Variants in ADAMTSL1 observed in about 807,000 individuals in gnomAD.
ADAMTSL1 encodes the protein ADAMTS-like protein 1.
ADAMTSL1 carries 126 observed loss-of-function variants against 201.8 expected under a neutral mutation model. The ratio of observed to expected loss-of-function variants is 0.62; its 90% CI spans 0.54 to 0.72. The LOEUF (loss-of-function observed/expected upper bound fraction) is 0.72. Among genes scored for constraint, ADAMTSL1 ranks in the 30% least tolerant of loss-of-function variants. The pLI, the probability that ADAMTSL1 is intolerant of heterozygous loss-of-function variation, is 0.00. For synonymous variants in ADAMTSL1, 1,121 were observed against 903.4 expected (o/e 1.24, Z -4.32); for missense variants, 2,679 against 2,277.8 (o/e 1.18, Z -3.59).
intron 1 of ADAMTSL1, among the ~76,000 whole-genome samples, chr9:18,098,286 A>G (rs373486897): frequency 6.6e-6 from 1 of 152,096 alleles, no homozygotes; most frequent in African/African-American, 2.4e-5. Flanking sequence ...TATTTTGACT[A>G]GTTTCTTTGC....
chr9:18,171,448 A>G (rs1470397380), intron 2 of ADAMTSL1, among the ~76,000 whole-genome samples: 1 of 152,104 alleles, frequency 6.6e-6, no homozygotes, highest in Non-Finnish European at 1.5e-5. Flanking sequence ...ATGGCATAGA[A>G]ATTTAATATG....
intron 2 of ADAMTSL1, among the ~76,000 whole-genome samples, chr9:18,426,134 T>C (rs1819209971): frequency 6.6e-6 from 1 of 152,066 alleles, no homozygotes. Context: ...CAGAATCATA[T>C]AGATCAGATA....
chr9:18,727,341 T>C (rs1231621255), intron 15 of ADAMTSL1, among the ~76,000 whole-genome samples: 6 of 152,208 alleles, frequency 3.9e-5, no homozygotes, highest in Non-Finnish European at 7.3e-5. Flanking sequence ...ACACTAACTT[T>C]TAAGTGCTTA....
chr9:18,056,730 A>G (rs1822206237), intron 1 of ADAMTSL1, among the ~76,000 whole-genome samples: 1 of 152,196 alleles, frequency 6.6e-6, no homozygotes, highest in Non-Finnish European at 1.5e-5. Context: ...CCCTTCAGGT[A>G]GAACCTCAGT....
intron 2 of ADAMTSL1, among the ~76,000 whole-genome samples, chr9:18,419,728 T>G (rs1563948087): frequency 6.8e-6 from 1 of 147,886 alleles, no homozygotes; most frequent in Admixed American, 6.8e-5. Flanking sequence ...CTCATTTATT[T>G]GACTTTTTTT....
At chr9:18,140,343 G>A (rs2132001766) in intron 1 of ADAMTSL1, among the ~76,000 whole-genome samples, 1 of 152,226 alleles carries the variant, frequency 6.6e-6, no homozygotes, top group Non-Finnish European at 1.5e-5. Context: ...TCATACTCAT[G>A]GCTATGATAC....
intron 15 of ADAMTSL1, among the ~76,000 whole-genome samples, chr9:18,722,798 C>G (rs955219376): frequency 2.6e-5 from 4 of 152,224 alleles, no homozygotes; most frequent in African/African-American, 9.6e-5. Flanking sequence ...CAGTCAGCCA[C>G]TGCTTTGGAG....
intron 23 of ADAMTSL1, among the ~76,000 whole-genome samples, chr9:18,860,955 A>G (rs1827174133): frequency 6.6e-6 from 1 of 152,220 alleles, no homozygotes; most frequent in Non-Finnish European, 1.5e-5. Context: ...TGCCTTTGAG[A>G]AGCTCTGTGG....
At chr9:18,346,990 T>C (rs1363698308) in intron 2 of ADAMTSL1, among the ~76,000 whole-genome samples, 2 of 152,180 alleles carry the variant, frequency 1.3e-5, no homozygotes, top group Non-Finnish European at 2.9e-5. Flanking sequence ...TTAATAAAGC[T>C]ATTGTTAAGA....
chr9:18,302,266 C>G (rs1041517430), intron 2 of ADAMTSL1, among the ~76,000 whole-genome samples: 2 of 152,044 alleles, frequency 1.3e-5, no homozygotes, highest in Non-Finnish European at 2.9e-5. Flanking sequence ...AATTATAATC[C>G]TACCTCAATG....
chr9:18,372,919 T>C (rs1308696658), intron 2 of ADAMTSL1, among the ~76,000 whole-genome samples: 3 of 152,196 alleles, frequency 2.0e-5, no homozygotes, highest in Admixed American at 6.5e-5. Flanking sequence ...TCCTCACTTA[T>C]TCACAATGCT....
At chr9:18,145,894 A>G (rs1826618897) in intron 1 of ADAMTSL1, among the ~76,000 whole-genome samples, 1 of 152,196 alleles carries the variant, frequency 6.6e-6, no homozygotes, top group Non-Finnish European at 1.5e-5. Context: ...AGCTCTTAAA[A>G]CTCAACAATA....
At chr9:18,763,875 G>C (rs947905217) in intron 16 of ADAMTSL1, among the ~76,000 whole-genome samples, 2 of 152,056 alleles carry the variant, frequency 1.3e-5, no homozygotes, top group Non-Finnish European at 2.9e-5. Context: ...CTATGCTATA[G>C]CTGGTACTAT....
intron 19 of ADAMTSL1, among the ~76,000 whole-genome samples, chr9:18,791,210 TTTC>T (rs1822019613): frequency 1.3e-5 from 2 of 152,198 alleles, no homozygotes; most frequent in African/African-American, 4.8e-5. Context: ...GCAGCAAGCC[TTTC>T]CTTTGCCTGG....
chr9:18,453,203 A>C (rs553799040), intron 2 of ADAMTSL1, among the ~76,000 whole-genome samples: 1 of 152,274 alleles, frequency 6.6e-6, no homozygotes, highest in South Asian at 2.1e-4. Context: ...TGCTTGGGCT[A>C]TAGCAAGGGT....
At chr9:18,795,254 A>T in intron 19 of ADAMTSL1, 143 bp from the exon 20 acceptor site, 2 of 1,071,590 alleles carry the variant, frequency 1.9e-6, no homozygotes, top group Non-Finnish European at 2.7e-6. Context: ...CAGGTTCTTG[A>T]TTGTCCTTGT....
At chr9:18,349,701 G>A (rs913701032) in intron 2 of ADAMTSL1, among the ~76,000 whole-genome samples, 1 of 152,006 alleles carries the variant, frequency 6.6e-6, no homozygotes, top group Non-Finnish European at 1.5e-5. Context: ...TTTCCATCGG[G>A]CTGGAATCTA....
intron 2 of ADAMTSL1, among the ~76,000 whole-genome samples, chr9:18,179,104 A>G (rs1451281663): frequency 6.6e-6 from 1 of 152,176 alleles, no homozygotes; most frequent in Non-Finnish European, 1.5e-5. Context: ...ATTCAAACCA[A>G]AGGCAAAGAC....
intron 15 of ADAMTSL1, among the ~76,000 whole-genome samples, chr9:18,727,548 C>T (rs1478822583): frequency 6.6e-6 from 1 of 152,206 alleles, no homozygotes; most frequent in Non-Finnish European, 1.5e-5. Context: ...CTGACTGGGC[C>T]AGTGGGAGTC....
Sources: allele counts gnomAD v4.1 joint callset (sites outside exome capture counted in the v4.1 genomes callset), GRCh38; gene constraint gnomAD v4.1.1; transcripts MANE v1.5; gene names NCBI Gene and HGNC (gene_info 2026-07-23, HGNC 2026-07-21).